SUGCT: variants seen among roughly 807,000 people sequenced by gnomAD.
SUGCT encodes the protein succinyl-CoA:glutarate CoA-transferase.
A neutral mutation model predicts 55.0 loss-of-function variants in SUGCT; 41 were observed. The ratio of observed to expected loss-of-function variants is 0.74; its 90% CI spans 0.58 to 0.97. SUGCT has a LOEUF of 0.97. SUGCT is among the 50% of genes least tolerant of loss of function. The pLI is 0.00. For synonymous variants in SUGCT, 187 were observed against 200.4 expected (o/e 0.93, Z 0.56); for missense variants, 568 against 547.8 (o/e 1.04, Z -0.37).
intron 12 of SUGCT, among the ~76,000 whole-genome samples, chr7:40,533,198 A>G (rs900581365): frequency 6.6e-6 from 1 of 152,194 alleles, no homozygotes; most frequent in Non-Finnish European, 1.5e-5. Flanking sequence ...GTGTTGACCA[A>G]TGAAACAAAA....
intron 12 of SUGCT, among the ~76,000 whole-genome samples, chr7:40,571,543 A>G (rs1796448711): frequency 6.6e-6 from 1 of 152,244 alleles, no homozygotes. Flanking sequence ...ACACACAAAT[A>G]TCTCTTAAGG....
intron 7 of SUGCT, among the ~76,000 whole-genome samples, chr7:40,262,416 C>T (rs1376205938): frequency 2.0e-5 from 3 of 148,900 alleles, no homozygotes; most frequent in Admixed American, 6.8e-5. Context: ...TTTGGGAGGC[C>T]GAGGTGGGCG....
At chr7:40,548,186 C>CTTTTTTTTTTTTTTTTTTTTTT (rs1186226631) in intron 12 of SUGCT, among the ~76,000 whole-genome samples, 11 of 105,002 alleles carry the variant, frequency 1.0e-4, no homozygotes, top group African/African-American at 1.5e-4. Flanking sequence ...TTCTTTCTTT[C>CTTTTTTTTTTTTTTTTTTTTTT]TTTTTTTTTT....
At chr7:40,853,401 G>A (rs4720383) in intron 13 of SUGCT, among the ~76,000 whole-genome samples, 2,124 of 152,154 alleles carry the variant, frequency 0.014, 140 homozygotes, top group East Asian at 0.1. Context: ...GTCTCACTCT[G>A]TCTCCCAGGC....
chr7:40,290,058 A>G (rs919762078), intron 8 of SUGCT, among the ~76,000 whole-genome samples: 59 of 152,278 alleles, frequency 3.9e-4, no homozygotes, highest in African/African-American at 1.4e-3. Flanking sequence ...AAGAATCAAT[A>G]TCATGAAAAT....
chr7:40,560,191 C>T (rs983653237), intron 12 of SUGCT, among the ~76,000 whole-genome samples: 1 of 152,174 alleles, frequency 6.6e-6, no homozygotes, highest in Non-Finnish European at 1.5e-5. Flanking sequence ...CTAGGTTTAT[C>T]ACATGAGTGT....
rs554943258 is a variant in SUGCT, at chr7:40,145,498, TCTC to T, written c.100+10383_100+10385del. 1.5e-3 allele frequency among the ~76,000 whole-genome samples: 224 copies of T among 152,114 alleles called. 1 individual carries two copies. Among genetic ancestry groups the T allele is most frequent in the African/African-American group, 5.2e-3 (216 of 41,510 alleles). On this transcript the variant is annotated intron_variant, in intron 1 of 13. Transcript: ENST00000335693. Reference sequence around the variant, plus strand: ...ATATAACATTCGTTTTTACATAAATTCTCCTCCCCACTTTTTTTTTTTTTTCTC... The same window carrying T: ...ATATAACATTCGTTTTTACATAAATTCTCCCCACTTTTTTTTTTTTTTCTC...
intron 12 of SUGCT, among the ~76,000 whole-genome samples, chr7:40,627,828 T>C (rs1469048507): frequency 6.6e-6 from 1 of 152,196 alleles, no homozygotes; most frequent in Admixed American, 6.5e-5. Context: ...TTCTCCTGCC[T>C]CACCATGACA....
chr7:40,432,346 A>C (rs1290587375), intron 9 of SUGCT, among the ~76,000 whole-genome samples: 2 of 152,152 alleles, frequency 1.3e-5, no homozygotes, highest in South Asian at 2.1e-4. Flanking sequence ...TGATAGTCTT[A>C]TAGAGACTCT....
At chr7:40,999,768 A>C in the SUGCT span, among the ~76,000 whole-genome samples, 1 of 152,160 alleles carries the variant, frequency 6.6e-6, no homozygotes, top group Admixed American at 6.5e-5. Context: ...CCTTTCCAGA[A>C]CATCTGCTTC....
At chr7:40,366,402 A>G (rs941755479) in intron 9 of SUGCT, among the ~76,000 whole-genome samples, 1 of 152,158 alleles carries the variant, frequency 6.6e-6, no homozygotes, top group African/African-American at 2.4e-5. Flanking sequence ...ACAAAAGCCA[A>G]AATTGACAAA....
intron 8 of SUGCT, among the ~76,000 whole-genome samples, chr7:40,303,332 C>A (rs546851122): frequency 6.6e-6 from 1 of 152,272 alleles, no homozygotes; most frequent in African/African-American, 2.4e-5. Context: ...CCTCGCCCGG[C>A]CAAGAAAGCT....
At chr7:40,967,304 G>A in the SUGCT span, 2 of 152,182 alleles carry the variant, frequency 1.3e-5, no homozygotes, top group Admixed American at 6.5e-5. Flanking sequence ...CTGGAAAAGA[G>A]CAAGTTGAGA....
chr7:40,983,823 C>T, the SUGCT span, among the ~76,000 whole-genome samples: 109,203 of 152,086 alleles, frequency 0.72, 40,064 homozygotes, highest in Middle Eastern at 0.82. Context: ...TGGAAATGAT[C>T]GGTTTGCCTC....
the SUGCT span, among the ~76,000 whole-genome samples, chr7:40,980,325 G>C: frequency 1.3e-5 from 2 of 152,064 alleles, no homozygotes; most frequent in African/African-American, 2.4e-5. Context: ...TAAATATTGG[G>C]GGGGACACAA....
chr7:40,775,563 A>G (rs758016375), intron 13 of SUGCT: 1 of 152,220 alleles, frequency 6.6e-6, no homozygotes, highest in Non-Finnish European at 1.5e-5. Flanking sequence ...TGTTTTACAG[A>G]TTAGAAAATT....
intron 5 of SUGCT, 73 bp downstream of exon 5, chr7:40,189,667 GT>G: frequency 1.3e-6 from 1 of 776,102 alleles, no homozygotes; most frequent in Non-Finnish European, 1.9e-6. Context: ...GAGCAAAAGT[GT>G]TTTAAAACTC....
chr7:40,170,552 T>A (rs925004993), intron 1 of SUGCT, among the ~76,000 whole-genome samples: 1 of 152,220 alleles, frequency 6.6e-6, no homozygotes, highest in Non-Finnish European at 1.5e-5. Context: ...CATTTTCCAA[T>A]GAGCATTAGT....
At chr7:40,459,810 A>C (rs1366264245) in intron 11 of SUGCT, among the ~76,000 whole-genome samples, 4 of 152,152 alleles carry the variant, frequency 2.6e-5, no homozygotes, top group African/African-American at 9.7e-5. Context: ...TTTTCCATTA[A>C]TGTCAGGTTA....
Sources: allele counts gnomAD v4.1 joint callset (sites outside exome capture counted in the v4.1 genomes callset), GRCh38; gene constraint gnomAD v4.1.1; transcripts MANE v1.5; gene names NCBI Gene and HGNC (gene_info 2026-07-23, HGNC 2026-07-21).